LRIG2: variants seen among roughly 807,000 people sequenced by gnomAD.
LRIG2 encodes the protein leucine rich repeats and immunoglobulin like domains 2.
A neutral mutation model predicts 107.8 loss-of-function variants in LRIG2; 93 were observed. The ratio of observed to expected loss-of-function variants is 0.86; its 90% CI spans 0.73 to 1.03. The LOEUF is 1.03. LRIG2 is among the 50% of genes least tolerant of loss of function. The pLI is 0.00. For missense variants in LRIG2, 1,226 were observed against 1,296.0 expected (o/e 0.95, Z 0.83); for synonymous variants, 471 against 470.6 (o/e 1.00, Z -0.01).
intron 1 of LRIG2, among the ~76,000 whole-genome samples, chr1:113,085,789 C>A (rs1261043007): frequency 3.3e-5 from 5 of 152,088 alleles, no homozygotes; most frequent in African/African-American, 1.2e-4. Context: ...AGTTAAGTAG[C>A]CTGTTACAGA....
chr1:113,098,661 T>C (rs766612628), intron 8 of LRIG2, 44 bp from the exon 9 acceptor site: 2 of 1,150,536 alleles, frequency 1.7e-6, no homozygotes, highest in South Asian at 2.4e-5. Context: ...GTTGTGATGG[T>C]TGTATTGACT....
At chr1:113,116,472 C>G (rs1375378743) in intron 16 of LRIG2, 36 bp downstream of exon 16, 1 of 1,545,436 alleles carries the variant, frequency 6.5e-7, no homozygotes, top group Non-Finnish European at 8.8e-7. Context: ...CAATTTCAGC[C>G]TATTCTATTG....
chr1:113,110,557 TA>T lies in LRIG2; in HGVS notation c.1796del (p.Asn599MetfsTer7), dbSNP rs761567669. 3.1e-6 allele frequency: 5 copies of T among 1,599,172 alleles called. No homozygotes were observed. Among genetic ancestry groups the T allele is most frequent in the Non-Finnish European group, 3.4e-6 (4 of 1,168,716 alleles). On this transcript the variant is annotated frameshift_variant, in exon 13 of 18. Coordinates refer to ENST00000361127, the MANE Select transcript of LRIG2 (RefSeq NM_014813.3). LOFTEE classifies it high-confidence loss of function. ...TATTCTCAGAAAGCCAAACTGACTG[TA>T]AATGGTAAGGAATTATGCTCCTTGA... ...SNYSQKAKLT[V>X]NEMPSFLKTP...
At chr1:113,086,913 G>A (rs1452802422) in intron 1 of LRIG2, among the ~76,000 whole-genome samples, 4 of 152,172 alleles carry the variant, frequency 2.6e-5, no homozygotes, top group African/African-American at 7.2e-5. Context: ...TACAGAGCTA[G>A]ACTTTAGGTT....
intron 13 of LRIG2, among the ~76,000 whole-genome samples, chr1:113,111,823 T>C (rs1369546834): frequency 1.3e-5 from 2 of 152,144 alleles, no homozygotes; most frequent in Non-Finnish European, 2.9e-5. Context: ...TGGGAACATT[T>C]TTGAGATGGA....
rs1365317964 is a variant in LRIG2 at position 113,107,651 on chromosome 1, G to GT, written c.1373dup (p.Leu458PhefsTer3). On this transcript the variant is annotated frameshift_variant, in exon 12 of 18. Coordinates refer to ENST00000361127, the MANE Select transcript of LRIG2 (RefSeq NM_014813.3). LOFTEE classifies it high-confidence loss of function. ...GCCATTTGAAGTGGCTACTTCAATG[G>GT]TTGGTTGATAATAACTTTCAACATT... 1 of 1,613,770 alleles carries GT rather than the reference G, an allele frequency of 6.2e-7. No individual in the cohort carries two copies. The highest frequency in any genetic ancestry group is 1.3e-5 in the African/African-American group (1 of 74,886).
At chr1:113,082,640 A>T (rs1029967949) in intron 1 of LRIG2, among the ~76,000 whole-genome samples, 1 of 152,072 alleles carries the variant, frequency 6.6e-6, no homozygotes, top group African/African-American at 2.4e-5. Context: ...ATTTATTTAG[A>T]GACAGGGTCT....
At chr1:113,073,694 C>T (rs768504413) in intron 1 of LRIG2, 49 bp downstream of exon 1, 2 of 1,546,568 alleles carry the variant, frequency 1.3e-6, no homozygotes, top group South Asian at 1.1e-5. Flanking sequence ...GGAGCCTTCC[C>T]TCTACAGGGG....
chr1:113,103,631 G>A (rs191022747), intron 11 of LRIG2: 29 of 154,466 alleles, frequency 1.9e-4, no homozygotes, highest in Admixed American at 1.1e-3. Flanking sequence ...GACTCCGATA[G>A]GATCAGATTC....
At position 113,109,549 on chromosome 1, in the gene LRIG2, G is replaced by A. The variant is rs531710513; in HGVS notation, c.1478-693G>A. ...CATATATTTTTTGAGACAGAGTCTC[G>A]CTCTTTTGCCCAGGCTGGAGTGAAG... is the stretch of plus-strand genomic sequence containing the variant. On this transcript the variant is annotated intron_variant, in intron 12 of 17. Transcript: ENST00000361127. 5.9e-5 allele frequency among the ~76,000 whole-genome samples: 9 copies of A among 152,186 alleles called. No homozygotes were observed. The East Asian group carries it at 1.2e-3, about 20-fold the overall frequency.
chr1:113,116,510 C>T lies in LRIG2; in HGVS notation c.2680+74C>T, dbSNP rs185359788. On this transcript the variant is annotated intron_variant, in intron 16 of 17. Coordinates refer to ENST00000361127, the MANE Select transcript of LRIG2 (RefSeq NM_014813.3). ...TTTACTTTTCAGTGTGTAGTTTCTC[C>T]ATTAATCTGAAGCAATATTTTAAAG... 599 of 1,367,520 alleles carry T rather than the reference C, an allele frequency of 4.4e-4. 1 individual carries two copies. In the African/African-American group the frequency reaches 7.7e-3, roughly 18 times the overall value. The allele number at this position is 1,367,520 out of a possible 1,614,324, so 84.7% of individuals were successfully genotyped here.
Position 113,100,239 on chromosome 1 carries a change from A to G in LRIG2, c.1201A>G (p.Ile401Val), listed in dbSNP as rs1383042095. ...CTTACAAGGAAACCAGATTAAGTCA[A>G]TTACAAAGAAAGCATTCATTGGTCT... ...LILQGNQIKS[I>V]TKKAFIGLES... The change falls in exon 10 of 18, where the codon ATT (isoleucine) becomes GTT (valine). Residue 401 changes from isoleucine (I) to valine (V), a missense_variant. Ile to Val is a conservative substitution (Grantham distance 29). Transcript: ENST00000361127. 6.3e-6 allele frequency: 10 copies of G among 1,588,602 alleles called. No homozygotes were observed. The highest frequency in any genetic ancestry group is 8.6e-6 in the Non-Finnish European group (10 of 1,161,750).
At chr1:113,106,867 CA>C (rs1654561429) in intron 11 of LRIG2, among the ~76,000 whole-genome samples, 1 of 152,112 alleles carries the variant, frequency 6.6e-6, no homozygotes, top group African/African-American at 2.4e-5. Flanking sequence ...TTGTCTACAA[CA>C]AAGATCTCTC....
intron 1 of LRIG2, among the ~76,000 whole-genome samples, chr1:113,090,794 C>T (rs1222162217): frequency 2.0e-5 from 3 of 151,320 alleles, no homozygotes; most frequent in Admixed American, 6.6e-5. Flanking sequence ...GCCGAGATTG[C>T]GCCACTGTAC....
chr1:113,116,329 C>A lies in LRIG2; in HGVS notation c.2573C>A (p.Ser858Tyr), dbSNP rs1297852825. Residue 858 changes from serine to tyrosine, a missense_variant, in exon 16 of 18, where the codon TCC becomes TAC. Transcript: ENST00000361127. Reference protein sequence around the residue: ...LPADIPSYLSSQGTLSEPQEG... With the variant: ...LPADIPSYLSYQGTLSEPQEG... ...GCAGACATTCCCAGCTACTTGTCTT[C>A]CCAAGGAACGCTGTCTGAGCCACAG... 1 of 1,613,932 alleles carries A rather than the reference C, an allele frequency of 6.2e-7. No homozygotes were observed. The highest frequency in any genetic ancestry group is 1.1e-5 in the South Asian group (1 of 91,018).
intron 9 of LRIG2, among the ~76,000 whole-genome samples, chr1:113,099,326 C>T (rs1277038210): frequency 6.7e-6 from 1 of 149,968 alleles, no homozygotes; most frequent in African/African-American, 2.4e-5. Context: ...CAGCTTCAAC[C>T]TCCTAGGCTC....
Position 113,110,381 on chromosome 1 carries a change from C to A in LRIG2, c.1617C>A (p.Ile539=). ...CTGTGTGGCGCAAAGACAGTGAAAT[C>A]CTGTATGACGTGGATACTGAGAATT... ...MSTVWRKDSE[I]LYDVDTENFV... is the part of the protein sequence containing the mutation. The change falls in exon 13 of 18, where the codon ATC becomes ATA. Residue 539 remains isoleucine, a synonymous_variant. Transcript: ENST00000361127. 6.2e-7 allele frequency: 1 copy of A among 1,614,140 alleles called. No individual in the cohort carries two copies. The highest frequency in any genetic ancestry group is 8.5e-7 in the Non-Finnish European group (1 of 1,180,030).
In LRIG2 at chr1:113,128,511, A is replaced by G. The variant is rs1655573710; in HGVS notation, c.*4410A>G. The G allele has an allele frequency of 6.6e-6, 1 of 152,184 alleles. No homozygotes were observed. Among genetic ancestry groups the G allele is most frequent in the Admixed American group, 6.5e-5 (1 of 15,278 alleles). The allele number at this position is 152,184 out of a possible 1,614,324, so 9.4% of individuals were successfully genotyped here. ...CCCTTTCCAGCTGTAACATTCTATG[A>G]ATCTGTAATTCCCTCGAGGAGCTAA... On this transcript the variant is annotated 3_prime_UTR_variant, in exon 18 of 18. Coordinates refer to ENST00000361127, the MANE Select transcript of LRIG2 (RefSeq NM_014813.3).
chr1:113,097,951 T>A (rs1265437677), intron 8 of LRIG2, among the ~76,000 whole-genome samples: 1 of 152,220 alleles, frequency 6.6e-6, no homozygotes, highest in Non-Finnish European at 1.5e-5. Context: ...ATCTCCTCTT[T>A]ACTGCTAATC....
Sources: allele counts gnomAD v4.1 joint callset (sites outside exome capture counted in the v4.1 genomes callset), GRCh38; gene constraint gnomAD v4.1.1; transcripts MANE v1.5; gene names NCBI Gene and HGNC (gene_info 2026-07-23, HGNC 2026-07-21).